The following FGFR2 variants were observed in gnomAD, a reference collection of about 807,000 sequenced individuals.
FGFR2 encodes BEK fibroblast growth factor receptor.
In FGFR2, 19 loss-of-function variants were observed where a neutral mutation model predicts 95.9. The ratio of observed to expected loss-of-function variants is 0.20; its 90% CI spans 0.14 to 0.29. The LOEUF (loss-of-function observed/expected upper bound fraction) is 0.29, where lower values mean the gene tolerates loss of function less well. FGFR2 is among the 10% of genes least tolerant of loss of function. The probability of loss-of-function intolerance (pLI) is 1.00; values close to 1 mark genes in which losing one functional copy is unlikely to be tolerated. For synonymous variants in FGFR2, 392 were observed against 393.3 expected, an observed-to-expected ratio of 1.00 and a Z score of 0.04; for missense variants, 707 against 1,056.9, an observed-to-expected ratio of 0.67 and a Z score of 4.59.
rs534794171 is a variant in FGFR2, at chr10:121,511,524, C to G, written c.1287+3593G>C. 7.7e-4 allele frequency among the ~76,000 whole-genome samples: 117 copies of G among 152,170 alleles called. 1 individual carries two copies. Among genetic ancestry groups the G allele is most frequent in the Non-Finnish European group, 1.5e-3 (105 of 68,026 alleles). On this transcript the variant is annotated intron_variant, in intron 9 of 17. Transcript: ENST00000358487. ...TTTAACTCACAAAGGCTGCTTCACA[C>G]TGGTCACTGGCTGTCCAGCATACCT...
At chr10:121,503,697 T>A in intron 10 of FGFR2, 93 bp downstream of exon 10, 1 of 1,416,142 alleles carries the variant, frequency 7.1e-7, no homozygotes, top group Non-Finnish European at 1.0e-6. Flanking sequence ...CCAAGACCTT[T>A]GTGGCTAAGG....
chr10:121,596,899 T>C (rs1292031091), intron 1 of FGFR2, among the ~76,000 whole-genome samples: 1 of 152,088 alleles, frequency 6.6e-6, no homozygotes, highest in Non-Finnish European at 1.5e-5. Context: ...TGCTTTTCTA[T>C]TCAAACTAAA....
chr10:121,557,024 G>C (rs187347888), intron 4 of FGFR2, among the ~76,000 whole-genome samples: 136 of 152,300 alleles, frequency 8.9e-4, no homozygotes, highest in African/African-American at 3.0e-3. Flanking sequence ...TGATTATGAG[G>C]GGGTATGTCT....
chr10:121,560,304 C>G (rs1006337491), intron 4 of FGFR2, among the ~76,000 whole-genome samples: 3 of 152,134 alleles, frequency 2.0e-5, no homozygotes, highest in Admixed American at 2.0e-4. Context: ...CAGCTTCATG[C>G]CAGAGCCACT....
intron 6 of FGFR2, among the ~76,000 whole-genome samples, chr10:121,534,070 C>T (rs1027936531): frequency 2.0e-5 from 3 of 148,526 alleles, no homozygotes; most frequent in East Asian, 2.0e-4. Flanking sequence ...CCTCTGGCCA[C>T]GTCTGTAGGT....
intron 6 of FGFR2, chr10:121,526,861 T>C (rs2981437): frequency 0.95 from 377,287 of 398,150 alleles, 181,836 homozygotes; most frequent in East Asian, 1. Flanking sequence ...CCGCATCTTC[T>C]GTCTGGATAT....
At chr10:121,522,623 A>C (rs1850721755) in intron 6 of FGFR2, among the ~76,000 whole-genome samples, 1 of 152,172 alleles carries the variant, frequency 6.6e-6, no homozygotes, top group African/African-American at 2.4e-5. Context: ...AATAAAATGA[A>C]ATAAAATAAA....
chr10:121,539,636 C>CTACA (rs1436899883), intron 5 of FGFR2, among the ~76,000 whole-genome samples: 1 of 152,182 alleles, frequency 6.6e-6, no homozygotes, highest in Non-Finnish European at 1.5e-5. Flanking sequence ...AAGTCATTCT[C>CTACA]TACAGGTGTT....
At chr10:121,592,525 G>C (rs919259235) in intron 2 of FGFR2, among the ~76,000 whole-genome samples, 1 of 152,058 alleles carries the variant, frequency 6.6e-6, no homozygotes, top group African/African-American at 2.4e-5. Context: ...TAAGTGCTTC[G>C]GTCCTCATCC....
At chr10:121,512,025 G>A (rs78985527) in intron 9 of FGFR2, among the ~76,000 whole-genome samples, 6,747 of 152,288 alleles carry the variant, frequency 0.044, 207 homozygotes, top group South Asian at 0.064. Flanking sequence ...GAGACGCTGT[G>A]TGTGTATGGG....
chr10:121,590,764 C>G (rs1170162196), intron 2 of FGFR2, among the ~76,000 whole-genome samples: 1 of 152,150 alleles, frequency 6.6e-6, no homozygotes, highest in Non-Finnish European at 1.5e-5. Flanking sequence ...GTGTTAGGGC[C>G]CAGGCTTCTT....
chr10:121,554,177 C>A (rs1415929446), intron 4 of FGFR2, among the ~76,000 whole-genome samples: 1 of 152,028 alleles, frequency 6.6e-6, no homozygotes, highest in African/African-American at 2.4e-5. Context: ...AGGTTGGGGG[C>A]CACCATAAAA....
chr10:121,493,172 T>A (rs1268455173), intron 13 of FGFR2, among the ~76,000 whole-genome samples: 1 of 152,202 alleles, frequency 6.6e-6, no homozygotes, highest in Non-Finnish European at 1.5e-5. Flanking sequence ...CTACGTAAGA[T>A]GCTTTATGTC....
chr10:121,562,836 T>C (rs1293240021), intron 4 of FGFR2, among the ~76,000 whole-genome samples: 1 of 152,206 alleles, frequency 6.6e-6, no homozygotes, highest in African/African-American at 2.4e-5. Context: ...GATGTACCAT[T>C]CTGGTGGGGA....
At chr10:121,494,957 A>T (rs1846584506) in intron 13 of FGFR2, among the ~76,000 whole-genome samples, 1 of 152,080 alleles carries the variant, frequency 6.6e-6, no homozygotes, top group Non-Finnish European at 1.5e-5. Context: ...TCCCCGACCC[A>T]CAGGATCCAG....
rs187958409 is a variant in FGFR2, at chr10:121,546,986, A to G, written c.624+4304T>C. Among the ~76,000 whole-genome samples the G allele has an allele frequency of 1.5e-3, 231 of 152,342 alleles. 1 individual carries two copies. Among genetic ancestry groups the G allele is most frequent in the African/African-American group, 5.4e-3 (224 of 41,580 alleles). ...ATGCCTGTAATCCCAGCACTCGCAG[A>G]GGCCAAGGAGGGTGGACCACTTGAG... is the stretch of plus-strand genomic sequence containing the variant. On this transcript the variant is annotated intron_variant, in intron 5 of 17. Transcript: ENST00000358487.
intron 4 of FGFR2, among the ~76,000 whole-genome samples, chr10:121,560,029 G>GGGCACCCAATCCATAGCA (rs1856723472): frequency 3.3e-5 from 5 of 152,096 alleles, no homozygotes; most frequent in African/African-American, 1.2e-4. Context: ...AATCCATAGC[G>GGGCACCCAATCCATAGCA]AGGGCACCCA....
Position 121,572,526 on chromosome 10 carries a change from G to A in FGFR2, c.110-6822C>T, listed in dbSNP as rs1308994737. ...CCCAGCTATTTGGGAGGCTGAGGCAGAGGAGAATCGTTTAACCCAGAAGGT... is the reference window on the plus strand; with the variant it reads ...CCCAGCTATTTGGGAGGCTGAGGCAAAGGAGAATCGTTTAACCCAGAAGGT... On this transcript the variant is annotated intron_variant, in intron 2 of 17. Coordinates refer to ENST00000358487, the MANE Select transcript of FGFR2 (RefSeq NM_000141.5). Among the ~76,000 whole-genome samples, 2 of 152,086 alleles carry A rather than the reference G, an allele frequency of 1.3e-5. 1 individual carries two copies. The highest frequency in any genetic ancestry group is 2.9e-5 in the Non-Finnish European group (2 of 68,012).
At chr10:121,500,497 T>C (rs1293650329) in intron 11 of FGFR2, among the ~76,000 whole-genome samples, 3 of 152,192 alleles carry the variant, frequency 2.0e-5, no homozygotes, top group African/African-American at 7.2e-5. Flanking sequence ...TCCTAGCTAA[T>C]AAATTCAATT....
Sources: allele counts gnomAD v4.1 joint callset (sites outside exome capture counted in the v4.1 genomes callset), GRCh38; gene constraint gnomAD v4.1.1; transcripts MANE v1.5; gene names NCBI Gene and HGNC (gene_info 2026-07-23, HGNC 2026-07-21).